Variants in NKAIN3 observed in about 807,000 individuals in gnomAD.
NKAIN3 encodes sodium/potassium-transporting ATPase subunit beta-1-interacting protein 3.
In NKAIN3, 25 loss-of-function variants were observed where a neutral mutation model predicts 30.2. The ratio of observed to expected loss-of-function variants is 0.83; its 90% CI spans 0.60 to 1.16. The LOEUF is 1.16. NKAIN3 is among the 50% of genes most tolerant of loss of function. NKAIN3 has a pLI of 0.00. For missense variants in NKAIN3, 225 were observed against 254.1 expected, an observed-to-expected ratio of 0.89 and a Z score of 0.78; for synonymous variants, 91 against 89.6, an observed-to-expected ratio of 1.02 and a Z score of -0.09.
chr8:62,728,260 A>G (rs1226814825), intron 3 of NKAIN3, among the ~76,000 whole-genome samples: 2 of 152,238 alleles, frequency 1.3e-5, no homozygotes, highest in Non-Finnish European at 1.5e-5. Flanking sequence ...CATTTTAGAT[A>G]TAACATCAAA....
rs1219489248 is a variant in NKAIN3 at position 62,982,181 on chromosome 8, TATCA to T, written c.*16777_*16780del. The T allele has an allele frequency of 6.6e-6, 1 of 152,240 alleles. No homozygotes were observed. Among genetic ancestry groups the T allele is most frequent in the Non-Finnish European group, 1.5e-5 (1 of 68,038 alleles). 9.4% of individuals were successfully genotyped at this position (152,240 alleles called of 1,614,324 possible). A position where few individuals can be genotyped will look rare whatever the true frequency, so the allele number is the denominator to read the frequency against. On this transcript the variant is annotated 3_prime_UTR_variant, in exon 7 of 7. Transcript: ENST00000623646. The stretch of plus-strand genomic sequence containing the variant: ...CATTTGTATTATGATGATTTCAGAC[TATCA>T]ATTTAAAAATTCATTAGTATAAATT...
intron 4 of NKAIN3, among the ~76,000 whole-genome samples, chr8:62,876,641 G>A (rs1820801707): frequency 6.6e-6 from 1 of 152,128 alleles, no homozygotes. Flanking sequence ...CCATAAAAAG[G>A]AATGAGATCA....
At chr8:62,781,699 A>G (rs1025187162) in intron 4 of NKAIN3, among the ~76,000 whole-genome samples, 2 of 151,916 alleles carry the variant, frequency 1.3e-5, no homozygotes, top group African/African-American at 4.8e-5. Context: ...TTCAAAAAAA[A>G]AGAAACTAGA....
At position 62,863,526 on chromosome 8, in the gene NKAIN3, T is replaced by C. The variant is rs375570255; in HGVS notation, c.472-54927T>C. 3.0e-5 allele frequency: 42 copies of C among 1,398,148 alleles called. No individual in the cohort carries two copies. In the East Asian group the frequency reaches 4.2e-4, roughly 14 times the overall value. 86.6% of individuals were successfully genotyped at this position (1,398,148 alleles called of 1,614,324 possible). On this transcript the variant is annotated intron_variant, in intron 4 of 6. Coordinates refer to ENST00000623646, the MANE Select transcript of NKAIN3 (RefSeq NM_001304533.3). Reference sequence around the variant, plus strand: ...GGGAGGCCTTGATAGTTGAACTTGATGATCCAGTTGAGGAGATGGTGGCCA... The same window carrying C: ...GGGAGGCCTTGATAGTTGAACTTGACGATCCAGTTGAGGAGATGGTGGCCA...
intron 1 of NKAIN3, among the ~76,000 whole-genome samples, chr8:62,278,346 A>G (rs1365317718): frequency 6.6e-6 from 1 of 151,808 alleles, no homozygotes; most frequent in Admixed American, 6.6e-5. Flanking sequence ...CAAAGCATAA[A>G]ACCATGCCTG....
downstream of NKAIN3, among the ~76,000 whole-genome samples, chr8:62,988,952 T>C (rs1824260447): frequency 6.6e-6 from 1 of 152,196 alleles, no homozygotes; most frequent in Admixed American, 6.5e-5. Context: ...AATCATCTCT[T>C]TCAAGTTCAG....
At chr8:62,904,633 A>T (rs529488309) in intron 4 of NKAIN3, among the ~76,000 whole-genome samples, 1 of 152,208 alleles carries the variant, frequency 6.6e-6, no homozygotes, top group Non-Finnish European at 1.5e-5. Flanking sequence ...AATTGCTACC[A>T]TGCTGGAGTT....
At chr8:62,788,919 T>A (rs1817613368) in intron 4 of NKAIN3, among the ~76,000 whole-genome samples, 1 of 152,224 alleles carries the variant, frequency 6.6e-6, no homozygotes, top group Non-Finnish European at 1.5e-5. Context: ...AGTACCGTTC[T>A]GTTTTGGTTA....
intron 4 of NKAIN3, among the ~76,000 whole-genome samples, chr8:62,883,457 G>GTTCTTGTTTTTTTTTT: frequency 1.4e-5 from 1 of 70,226 alleles, no homozygotes; most frequent in Non-Finnish European, 2.4e-5. Flanking sequence ...AGTTTTATGG[G>GTTCTTGTTTTTTTTTT]TTTTTTTTTT....
At chr8:62,638,384 T>A (rs1199284392) in intron 3 of NKAIN3, among the ~76,000 whole-genome samples, 1 of 152,164 alleles carries the variant, frequency 6.6e-6, no homozygotes, top group East Asian at 1.9e-4. Flanking sequence ...CAGGGACTAG[T>A]GTTGCAGAGC....
intron 1 of NKAIN3, among the ~76,000 whole-genome samples, chr8:62,377,854 A>G (rs1817142111): frequency 1.3e-5 from 2 of 152,176 alleles, no homozygotes; most frequent in Non-Finnish European, 2.9e-5. Context: ...TTTTCTTTAT[A>G]AATTACCCTG....
At chr8:62,936,328 C>A (rs1316766814) in intron 5 of NKAIN3, among the ~76,000 whole-genome samples, 1 of 152,136 alleles carries the variant, frequency 6.6e-6, no homozygotes. Flanking sequence ...AAGTGACCCA[C>A]TCCCACTGTG....
At chr8:62,364,310 G>T (rs911649685) in intron 1 of NKAIN3, among the ~76,000 whole-genome samples, 25 of 152,092 alleles carry the variant, frequency 1.6e-4, no homozygotes, top group African/African-American at 6.0e-4. Context: ...CTTAAAGGTG[G>T]TTGTAAAACT....
intron 4 of NKAIN3, among the ~76,000 whole-genome samples, chr8:62,766,874 G>T (rs1816854928): frequency 6.6e-6 from 1 of 152,108 alleles, no homozygotes; most frequent in Non-Finnish European, 1.5e-5. Flanking sequence ...TTGGGCTTGA[G>T]CAGGTTCCCT....
intron 1 of NKAIN3, among the ~76,000 whole-genome samples, chr8:62,374,885 T>A (rs1285815281): frequency 6.6e-6 from 1 of 152,180 alleles, no homozygotes; most frequent in Non-Finnish European, 1.5e-5. Context: ...GAAAAGATAA[T>A]CACAACTAAA....
chr8:62,380,362 G>A (rs1457422304), intron 1 of NKAIN3, among the ~76,000 whole-genome samples: 2 of 152,182 alleles, frequency 1.3e-5, no homozygotes, highest in Non-Finnish European at 2.9e-5. Flanking sequence ...CTCATGGAAT[G>A]TCACTCTTGT....
intron 5 of NKAIN3, among the ~76,000 whole-genome samples, chr8:62,993,790 T>C (rs902822825): frequency 1.3e-5 from 2 of 152,190 alleles, no homozygotes; most frequent in Admixed American, 1.3e-4. Flanking sequence ...CTATGTTTCT[T>C]TGTGACTTAG....
At chr8:62,417,511 C>T (rs545431144) in intron 1 of NKAIN3, among the ~76,000 whole-genome samples, 44 of 152,232 alleles carry the variant, frequency 2.9e-4, no homozygotes, top group Admixed American at 7.2e-4. Flanking sequence ...CTGGAACATA[C>T]GGTAGCTCTA....
rs551421952 is a variant in NKAIN3 at position 62,410,638 on chromosome 8, G to A, written c.54+161511G>A. On this transcript the variant is annotated intron_variant, in intron 1 of 6. Coordinates refer to ENST00000623646, the MANE Select transcript of NKAIN3 (RefSeq NM_001304533.3). ...TAGCTAGATTAACAAATAAAAAAAA[G>A]ATAAGATCCAAATAAGTGCAATCAG... Among the ~76,000 whole-genome samples, 3 of 151,960 alleles carry A rather than the reference G, an allele frequency of 2.0e-5. No individual in the cohort carries two copies. The South Asian group carries it at 6.2e-4, about 32-fold the overall frequency.
Sources: gnomAD v4.1 joint callset for allele counts (sites outside exome capture counted in the v4.1 genomes callset) on GRCh38, gnomAD v4.1.1 for gene constraint, MANE v1.5 for transcripts, NCBI Gene and HGNC (gene_info 2026-07-23, HGNC 2026-07-21) for gene names.